ZC3H6: variants seen among roughly 807,000 people sequenced by gnomAD.
ZC3H6 encodes zinc finger CCCH-type containing 6, also known as zinc finger CCCH domain-containing protein 6.
Under a neutral mutation model 107.7 loss-of-function variants are expected in ZC3H6, and 40 were observed. That is an observed-to-expected ratio of 0.37 (90% CI 0.29 to 0.48). The LOEUF is 0.48. Among genes scored for constraint, ZC3H6 ranks in the 20% least tolerant of loss-of-function variants. The pLI, the probability that ZC3H6 is intolerant of heterozygous loss-of-function variation, is 0.98. For missense variants in ZC3H6, 1,267 were observed against 1,410.4 expected (o/e 0.90, Z 1.63); for synonymous variants, 493 against 487.9 (o/e 1.01, Z -0.14).
At chr2:112,303,693 A>C (rs1036407810) in intron 3 of ZC3H6, among the ~76,000 whole-genome samples, 2 of 152,122 alleles carry the variant, frequency 1.3e-5, no homozygotes, top group African/African-American at 4.8e-5. Context: ...TTAAAAGTTC[A>C]CCCAAGCTGT....
At position 112,332,504 on chromosome 2, in the gene ZC3H6, G is replaced by A. The variant is rs745340018; in HGVS notation, c.*16G>A. On this transcript the variant is annotated 3_prime_UTR_variant, in exon 12 of 12. Coordinates refer to ENST00000409871, the MANE Select transcript of ZC3H6 (RefSeq NM_198581.3). ...ATTTTGTTAGCTATTGTGTAACTGA[G>A]CAATTCTTTTCACTCTTGTGACTAT... 1 of 1,585,550 alleles carries A rather than the reference G, an allele frequency of 6.3e-7. No individual in the cohort carries two copies. The highest frequency in any genetic ancestry group is 8.6e-7 in the Non-Finnish European group (1 of 1,167,396).
intron 5 of ZC3H6, among the ~76,000 whole-genome samples, chr2:112,314,406 T>G (rs1470406401): frequency 6.6e-6 from 1 of 152,180 alleles, no homozygotes; most frequent in East Asian, 1.9e-4. Context: ...ACTGACATAC[T>G]TTCTACTCAT....
At chr2:112,283,852 G>A (rs1472051331) in intron 1 of ZC3H6, among the ~76,000 whole-genome samples, 3 of 152,188 alleles carry the variant, frequency 2.0e-5, no homozygotes, top group Non-Finnish European at 4.4e-5. Context: ...CTGAATCACA[G>A]ACAATTTCAT....
At chr2:112,304,120 G>T (rs1676433459) in intron 3 of ZC3H6, among the ~76,000 whole-genome samples, 1 of 152,056 alleles carries the variant, frequency 6.6e-6, no homozygotes. Context: ...TTGCCAACGT[G>T]TGTTTTTTTT....
chr2:112,276,281 C>T (rs1264613824), intron 1 of ZC3H6, among the ~76,000 whole-genome samples: 1 of 149,350 alleles, frequency 6.7e-6, no homozygotes, highest in African/African-American at 2.4e-5. Flanking sequence ...CGTGCGAGCC[C>T]CCCGCCCCCC....
At chr2:112,326,865 G>A (rs1214877545) in intron 11 of ZC3H6, among the ~76,000 whole-genome samples, 9 of 151,822 alleles carry the variant, frequency 5.9e-5, no homozygotes, top group Admixed American at 1.3e-4. Flanking sequence ...TGCCCGCCTC[G>A]GCCTCCCAAA....
chr2:112,276,113 C>T (rs1484393495), intron 1 of ZC3H6, 87 bp downstream of exon 1: 7 of 1,255,744 alleles, frequency 5.6e-6, no homozygotes, highest in East Asian at 2.7e-5. Context: ...GCGCCTCCTG[C>T]ATGACCTAGA....
chr2:112,297,740 T>C (rs149587520), intron 1 of ZC3H6, among the ~76,000 whole-genome samples: 1 of 152,360 alleles, frequency 6.6e-6, no homozygotes, highest in East Asian at 1.9e-4. Context: ...GGAATTGTTT[T>C]GTGGCTTGAG....
chr2:112,315,095 A>G (rs1406864446), intron 5 of ZC3H6, among the ~76,000 whole-genome samples: 2 of 152,224 alleles, frequency 1.3e-5, no homozygotes, highest in East Asian at 3.8e-4. Context: ...GGAAAACAGA[A>G]ATCAAATCAG....
At chr2:112,297,227 A>T (rs945431562) in intron 1 of ZC3H6, among the ~76,000 whole-genome samples, 6 of 152,220 alleles carry the variant, frequency 3.9e-5, no homozygotes, top group African/African-American at 1.4e-4. Context: ...TCTTATTAAG[A>T]CCACGTCCAC....
Position 112,336,351 on chromosome 2 carries a change from C to T in ZC3H6, c.*3863C>T, listed in dbSNP as rs13387611. Reference sequence around the variant, plus strand: ...AGTCCACTGATAGGGTCCCCCACCCCGCAAGCTTCAATAATTGAGCTTTCT... The same window carrying T: ...AGTCCACTGATAGGGTCCCCCACCCTGCAAGCTTCAATAATTGAGCTTTCT... On this transcript the variant is annotated 3_prime_UTR_variant, in exon 12 of 12. Transcript: ENST00000409871. 77,496 of 151,938 alleles carry T rather than the reference C, an allele frequency of 0.51. 21,955 individuals carry two copies. Among genetic ancestry groups the T allele is most frequent in the East Asian group, 0.77 (3,959 of 5,164 alleles). The allele number at this position is 151,938 out of a possible 1,614,324, so 9.4% of individuals were successfully genotyped here.
chr2:112,286,318 T>C (rs1266562547), intron 1 of ZC3H6: 3 of 225,584 alleles, frequency 1.3e-5, no homozygotes, highest in African/African-American at 2.4e-5. Flanking sequence ...CTCTTAATGG[T>C]CAACCACTTG....
At chr2:112,292,854 C>G (rs1394363804) in intron 1 of ZC3H6, among the ~76,000 whole-genome samples, 1 of 152,176 alleles carries the variant, frequency 6.6e-6, no homozygotes, top group African/African-American at 2.4e-5. Context: ...CCAGGGAGAT[C>G]AGTGTCCTCT....
At chr2:112,288,990 C>CCG (rs1676021219) in intron 1 of ZC3H6, among the ~76,000 whole-genome samples, 1 of 128,152 alleles carries the variant, frequency 7.8e-6, no homozygotes, top group Non-Finnish European at 1.7e-5. Flanking sequence ...TTCTCACTGC[C>CCG]CACCCCCCCG....
intron 1 of ZC3H6, among the ~76,000 whole-genome samples, chr2:112,292,667 T>C (rs1258038008): frequency 1.3e-5 from 2 of 152,230 alleles, no homozygotes; most frequent in Admixed American, 6.5e-5. Flanking sequence ...GTTAGCAATA[T>C]GTCATATTTT....
chr2:112,276,910 TATTA>T (rs1686436366), intron 1 of ZC3H6, among the ~76,000 whole-genome samples: 1 of 152,224 alleles, frequency 6.6e-6, no homozygotes, highest in African/African-American at 2.4e-5. Flanking sequence ...TTACTTAGAA[TATTA>T]ATTTGAAAAT....
chr2:112,299,221 G>C (rs915589882), intron 1 of ZC3H6, among the ~76,000 whole-genome samples: 2 of 150,450 alleles, frequency 1.3e-5, no homozygotes, highest in Non-Finnish European at 2.9e-5. Context: ...AGCTTGCAGT[G>C]AGCCGAGATG....
At chr2:112,311,781 T>C in intron 4 of ZC3H6, 23 bp from the exon 5 acceptor site, 1 of 1,584,434 alleles carries the variant, frequency 6.3e-7, no homozygotes, top group Non-Finnish European at 8.6e-7. Context: ...CTTTTAAATT[T>C]AAGTACATTT....
chr2:112,309,082 A>G (rs1162587523), intron 3 of ZC3H6, among the ~76,000 whole-genome samples: 1 of 152,118 alleles, frequency 6.6e-6, no homozygotes, highest in Non-Finnish European at 1.5e-5. Context: ...AATAAAATGC[A>G]CTAAGCTAAA....
Sources: allele counts gnomAD v4.1 joint callset (sites outside exome capture counted in the v4.1 genomes callset), GRCh38; gene constraint gnomAD v4.1.1; transcripts MANE v1.5; gene names NCBI Gene and HGNC (gene_info 2026-07-23, HGNC 2026-07-21).